Variants in GSN observed in about 807,000 individuals in gnomAD.
GSN encodes gelsolin, also known as actin-depolymerizing factor.
Under a neutral mutation model 85.7 loss-of-function variants are expected in GSN, and 56 were observed. The observed-to-expected ratio is 0.65, with a 90% CI of 0.53 to 0.82. GSN has a LOEUF of 0.82. Among genes scored for constraint, GSN ranks in the 40% least tolerant of loss-of-function variants. GSN has a pLI of 0.00. For missense variants in GSN, 857 were observed against 979.8 expected (o/e 0.87, Z 1.67); for synonymous variants, 373 against 399.1 (o/e 0.93, Z 0.78).
chr9:121,255,475 G>A (rs1307964256), intron 6 of GSN, among the ~76,000 whole-genome samples: 1 of 152,032 alleles, frequency 6.6e-6, no homozygotes, highest in African/African-American at 2.4e-5. Context: ...GCCTCAAGTG[G>A]TCCTCCCACC....
At chr9:121,247,398 A>C (rs2132224638) in intron 5 of GSN, among the ~76,000 whole-genome samples, 1 of 152,314 alleles carries the variant, frequency 6.6e-6, no homozygotes, top group Non-Finnish European at 1.5e-5. Flanking sequence ...ATACAACGCA[A>C]CAACTGTAGC....
Position 121,299,303 on chromosome 9 carries a change from T to C in GSN, c.-9-2660T>C, listed in dbSNP as rs1458754440. 1 of 985,244 alleles carries C rather than the reference T, an allele frequency of 1.0e-6. No individual in the cohort carries two copies. The highest frequency in any genetic ancestry group is 1.2e-6 in the Non-Finnish European group (1 of 829,866). 61.0% of individuals were successfully genotyped at this position (985,244 alleles called of 1,614,324 possible). On this transcript the variant is annotated intron_variant, in intron 2 of 17. Coordinates refer to ENST00000432226, the MANE Select transcript of GSN (RefSeq NM_198252.3). This position sits in a 1 kb window ranked among gnomAD's most constrained non-coding sequence, Gnocchi z 4.2. ...GGGTCCCCTGCCCTGCTGCGGCGCA[T>C]GCTGCCTGGTGGGGGTTCTGCCCAG...
upstream of GSN, among the ~76,000 whole-genome samples, chr9:121,206,034 G>A (rs528817279): frequency 1.2e-3 from 168 of 139,612 alleles, 1 homozygote; most frequent in Non-Finnish European, 1.6e-3. Flanking sequence ...TTTTGGAGTT[G>A]CCACCGAGCC....
intron 2 of GSN, among the ~76,000 whole-genome samples, chr9:121,287,280 G>C (rs535000338): frequency 2.0e-5 from 3 of 152,132 alleles, no homozygotes; most frequent in African/African-American, 7.2e-5. Flanking sequence ...ATGGAGAGAC[G>C]AGAAGAGGAA....
intron 8 of GSN, 89 bp downstream of exon 8, chr9:121,317,307 T>A (rs1227024329): frequency 2.9e-6 from 4 of 1,372,210 alleles, no homozygotes; most frequent in Non-Finnish European, 4.1e-6. Flanking sequence ...TCCCGGGGAG[T>A]GTGGAGTGTG....
chr9:121,330,426 T>A (rs2063756698), intron 16 of GSN, among the ~76,000 whole-genome samples: 1 of 152,016 alleles, frequency 6.6e-6, no homozygotes, highest in Non-Finnish European at 1.5e-5. Flanking sequence ...TACAAAACAA[T>A]TAGCCAGGCT....
intron 4 of GSN, among the ~76,000 whole-genome samples, chr9:121,229,904 T>C (rs1389424298): frequency 6.6e-6 from 1 of 152,264 alleles, no homozygotes; most frequent in African/African-American, 2.4e-5. Context: ...TCTAATTTCA[T>C]CTACACTTTT....
intron 6 of GSN, among the ~76,000 whole-genome samples, chr9:121,250,905 G>A (rs1277757047): frequency 6.8e-6 from 1 of 147,344 alleles, no homozygotes; most frequent in Non-Finnish European, 1.5e-5. Flanking sequence ...GTGTGTGTGT[G>A]TGTGTGCTTT....
At chr9:121,327,596 G>A in intron 14 of GSN, 114 bp downstream of exon 14, 2 of 799,138 alleles carry the variant, frequency 2.5e-6, no homozygotes, top group Non-Finnish European at 3.9e-6. Context: ...CTGAGGGCCT[G>A]TCCCCTAATG....
intron 11 of GSN, among the ~76,000 whole-genome samples, chr9:121,322,919 C>T (rs1338149098): frequency 1.3e-5 from 2 of 151,738 alleles, no homozygotes; most frequent in Non-Finnish European, 2.9e-5. Context: ...CAACCTCTGC[C>T]CCCCGGGGCT....
At position 121,327,344 on chromosome 9, in the gene GSN, G is replaced by A. The variant is rs2063338508; in HGVS notation, c.1624G>A (p.Ala542Thr). Residue 542 changes from alanine (A) to threonine (T), a missense_variant, in exon 14 of 18, where the codon GCC (alanine) becomes ACC (threonine). Ala to Thr is a moderately conservative substitution (Grantham distance 58, BLOSUM62 0). Transcript: ENST00000432226. Reference sequence around the variant, plus strand: ...GGCTGGTGCACTGAACTCCAACGATGCCTTTGTTCTGAAAACCCCCTCAGC... The same window carrying A: ...GGCTGGTGCACTGAACTCCAACGATACCTTTGTTCTGAAAACCCCCTCAGC... ...PKAGALNSND[A>T]FVLKTPSAAY... is the part of the protein sequence containing the mutation. 2 of 1,613,958 alleles carry A rather than the reference G, an allele frequency of 1.2e-6. No homozygotes were observed. Among genetic ancestry groups the A allele is most frequent in the Admixed American group, 1.7e-5 (1 of 59,996 alleles).
intron 5 of GSN, chr9:121,238,751 A>C: frequency 2.2e-6 from 1 of 462,362 alleles, no homozygotes; most frequent in South Asian, 1.7e-5. Flanking sequence ...TGTGATTTTC[A>C]TGAGGACCCT....
Position 121,326,659 on chromosome 9 carries a change from G to A in GSN, c.1564G>A (p.Ala522Thr), listed in dbSNP as rs1387577221. 11 of 1,608,594 alleles carry A rather than the reference G, an allele frequency of 6.8e-6. No homozygotes were observed. The highest frequency in any genetic ancestry group is 1.7e-5 in the Admixed American group (1 of 59,000). ...CCTCTTCCAGGTCCGCGCCAACAGC[G>A]CTGGAGCCACCCGGGCTGTTGAGGT... Reference protein sequence around the residue: ...TRLFQVRANSAGATRAVEVLP... With the variant: ...TRLFQVRANSTGATRAVEVLP... Residue 522 changes from alanine (A) to threonine (T), a missense_variant, in exon 13 of 18, where the codon GCT becomes ACT. By Grantham distance (58) the Ala-to-Thr change is moderately conservative (BLOSUM62 0). Transcript: ENST00000432226.
At chr9:121,295,857 A>G (rs889170499) in intron 2 of GSN, among the ~76,000 whole-genome samples, 1 of 152,252 alleles carries the variant, frequency 6.6e-6, no homozygotes, top group African/African-American at 2.4e-5. Flanking sequence ...AGACCAGGAC[A>G]TGCTCATGTA....
intron 10 of GSN, 47 bp from the exon 11 acceptor site, chr9:121,321,221 G>C (rs748892636): frequency 5.0e-6 from 8 of 1,609,234 alleles, no homozygotes; most frequent in African/African-American, 2.7e-5. Context: ...CCTGAGCTGG[G>C]GGGTGGGGGT....
chr9:121,250,728 G>A (rs1238340605), intron 6 of GSN, among the ~76,000 whole-genome samples: 12 of 151,440 alleles, frequency 7.9e-5, no homozygotes, highest in Admixed American at 7.9e-4. Context: ...TAGTAGAGAT[G>A]GGGTTTCACC....
chr9:121,322,710 T>A (rs181230893), intron 11 of GSN, among the ~76,000 whole-genome samples: 8 of 152,346 alleles, frequency 5.3e-5, no homozygotes, highest in Admixed American at 5.2e-4. Context: ...TCGTGGATTG[T>A]GTGGTCAAAC....
intron 7 of GSN, among the ~76,000 whole-genome samples, chr9:121,316,265 C>T (rs2061690081): frequency 6.6e-6 from 1 of 152,050 alleles, no homozygotes; most frequent in South Asian, 2.1e-4. Context: ...ACAAAGAGTT[C>T]CTATATACCA....
intron 7 of GSN, among the ~76,000 whole-genome samples, chr9:121,316,710 A>G (rs2061745920): frequency 6.6e-6 from 1 of 152,204 alleles, no homozygotes; most frequent in South Asian, 2.1e-4. Flanking sequence ...GGCTCAAGCC[A>G]TCCACCCACC....
Sources: gnomAD v4.1 joint callset for allele counts (sites outside exome capture counted in the v4.1 genomes callset) on GRCh38, gnomAD v4.1.1 for gene constraint, Gnocchi (gnomAD v3.1) non-coding constraint, MANE v1.5 for transcripts, NCBI Gene and HGNC (gene_info 2026-07-23, HGNC 2026-07-21) for gene names.